The following NEBL variants were observed in gnomAD, a reference collection of about 807,000 sequenced individuals.
The protein encoded by NEBL is nebulette, also known as LIM and SH3 protein 2.
NEBL carries 122 observed loss-of-function variants against 140.2 expected under a neutral mutation model. The observed-to-expected ratio is 0.87, with a 90% CI of 0.75 to 1.01. NEBL has a LOEUF of 1.01. Among genes scored for constraint, NEBL ranks in the 50% least tolerant of loss-of-function variants. The pLI is 0.00. For synonymous variants in NEBL, 436 were observed against 398.9 expected, an observed-to-expected ratio of 1.09 and a Z score of -1.11; for missense variants, 1,365 against 1,231.3, an observed-to-expected ratio of 1.11 and a Z score of -1.62.
At chr10:20,971,612 ATT>A (rs1232484471) in intron 3 of NEBL, among the ~76,000 whole-genome samples, 9 of 71,012 alleles carry the variant, frequency 1.3e-4, no homozygotes, top group Non-Finnish European at 1.6e-4. Flanking sequence ...CAACCCTAGA[ATT>A]TTTTTTTTTT....
At chr10:21,122,710 T>C (rs1838636035) in intron 2 of NEBL, among the ~76,000 whole-genome samples, 1 of 152,120 alleles carries the variant, frequency 6.6e-6, no homozygotes, top group Non-Finnish European at 1.5e-5. Context: ...AAATCCTCAG[T>C]GTCTGGGTAG....
At chr10:21,098,805 G>A (rs1589232163) in intron 2 of NEBL, among the ~76,000 whole-genome samples, 1 of 152,232 alleles carries the variant, frequency 6.6e-6, no homozygotes, top group Non-Finnish European at 1.5e-5. Context: ...TGTTTTGCCT[G>A]TAGCCACAGG....
intron 3 of NEBL, among the ~76,000 whole-genome samples, chr10:21,007,351 A>T (rs546256220): frequency 7.0e-4 from 106 of 152,362 alleles, no homozygotes; most frequent in African/African-American, 2.4e-3. Flanking sequence ...TACAGGAAGT[A>T]TGGAGGGTCC....
chr10:20,946,407 C>A (rs532694338), intron 4 of NEBL, among the ~76,000 whole-genome samples: 41 of 152,082 alleles, frequency 2.7e-4, no homozygotes, highest in Non-Finnish European at 4.1e-4. Context: ...TCAAATATTC[C>A]ATTTCTTGAG....
intron 2 of NEBL, among the ~76,000 whole-genome samples, chr10:21,092,895 G>A (rs1262088667): frequency 6.6e-6 from 1 of 151,922 alleles, no homozygotes; most frequent in Non-Finnish European, 1.5e-5. Context: ...CCCATGCCAA[G>A]CAACTTGTGA....
chr10:20,968,091 G>C (rs190500874), intron 3 of NEBL, among the ~76,000 whole-genome samples: 1 of 152,258 alleles, frequency 6.6e-6, no homozygotes, highest in East Asian at 1.9e-4. Context: ...AGTTAAATCG[G>C]CCACTCTGAG....
In NEBL at chr10:21,145,923, G is replaced by A. The variant is rs143856552; in HGVS notation, c.164+26460C>T. ...GGCTCGGCTCTCTGGACCGCAGCTC[G>A]GGCCCATTGGGCATCTAACAACAGG... On this transcript the variant is annotated intron_variant, in intron 2 of 6. Coordinates refer to the NEBL transcript ENST00000417816. Among the ~76,000 whole-genome samples the A allele has an allele frequency of 5.8e-3, 875 of 152,154 alleles. 4 individuals are homozygous for A. The highest frequency in any genetic ancestry group is 8.5e-3 in the Non-Finnish European group (575 of 68,012).
intron 2 of NEBL, chr10:21,172,301 C>A: frequency 9.4e-7 from 1 of 1,068,722 alleles, no homozygotes; most frequent in Non-Finnish European, 1.5e-6. Context: ...CACAGTGAGT[C>A]AGTTCTTCAA....
chr10:21,064,338 A>G lies in NEBL; in HGVS notation c.165-44137T>C, dbSNP rs1057001088. On this transcript the variant is annotated intron_variant, in intron 2 of 6. Transcript: ENST00000417816. ...GTTTTAGGATTTCACTGCAAAGCCC[A>G]GATAAGCTTTGATTTTTATCTAGTG... Among the ~76,000 whole-genome samples, 3 of 152,212 alleles carry G rather than the reference A, an allele frequency of 2.0e-5. No individual in the cohort carries two copies. In the East Asian group the frequency reaches 5.8e-4, roughly 29 times the overall value.
At chr10:20,988,139 C>A (rs1297090344) in intron 3 of NEBL, among the ~76,000 whole-genome samples, 5 of 152,162 alleles carry the variant, frequency 3.3e-5, no homozygotes, top group Non-Finnish European at 7.4e-5. Flanking sequence ...AAAATCCAAT[C>A]TCTTCCTACT....
intron 2 of NEBL, among the ~76,000 whole-genome samples, chr10:21,044,214 T>G (rs1485670011): frequency 6.6e-6 from 1 of 151,752 alleles, no homozygotes; most frequent in Non-Finnish European, 1.5e-5. Context: ...CTGGCCAACA[T>G]GGTGAAACCC....
chr10:21,085,550 A>G (rs1836585368), intron 2 of NEBL, among the ~76,000 whole-genome samples: 2 of 152,192 alleles, frequency 1.3e-5, no homozygotes, highest in African/African-American at 4.8e-5. Flanking sequence ...CTGGAGGATC[A>G]TTTGAGCCCA....
chr10:21,000,161 G>T (rs973294970), intron 3 of NEBL, among the ~76,000 whole-genome samples: 2 of 139,352 alleles, frequency 1.4e-5, no homozygotes, highest in Non-Finnish European at 3.1e-5. Flanking sequence ...CCAGGCAGAG[G>T]GGGGCAGAGA....
At chr10:20,903,013 T>C (rs1847935799) in intron 4 of NEBL, among the ~76,000 whole-genome samples, 1 of 152,204 alleles carries the variant, frequency 6.6e-6, no homozygotes, top group Non-Finnish European at 1.5e-5. Flanking sequence ...TGTTGAAAAC[T>C]GATAAGAATG....
At chr10:21,042,078 C>T (rs1834294320) in intron 2 of NEBL, among the ~76,000 whole-genome samples, 1 of 152,182 alleles carries the variant, frequency 6.6e-6, no homozygotes, top group Non-Finnish European at 1.5e-5. Context: ...TGCCGACCTC[C>T]TATCTCATCC....
Position 20,797,038 on chromosome 10 carries a change from A to G in NEBL, c.2762-9730T>C, listed in dbSNP as rs1351398383. Among the ~76,000 whole-genome samples the G allele has an allele frequency of 3.3e-5, 5 of 152,364 alleles. 1 individual carries two copies. The highest frequency in any genetic ancestry group is 3.3e-4 in the Admixed American group (5 of 15,308). ...TTCTTCGATAAGGGGAAAGCAATTCAGAACATACAACTGGCAGGTAGACAG... is the reference window on the plus strand; with the variant it reads ...TTCTTCGATAAGGGGAAAGCAATTCGGAACATACAACTGGCAGGTAGACAG... On this transcript the variant is annotated intron_variant, in intron 26 of 27. Transcript: ENST00000377122.
intron 2 of NEBL, among the ~76,000 whole-genome samples, chr10:21,114,820 G>A (rs1009194938): frequency 1.3e-5 from 2 of 151,098 alleles, no homozygotes; most frequent in African/African-American, 4.9e-5. Context: ...GTGGAAAGTT[G>A]GGTCCTGCTT....
chr10:21,022,591 A>C (rs1034346460), intron 2 of NEBL, among the ~76,000 whole-genome samples: 9 of 152,344 alleles, frequency 5.9e-5, no homozygotes, highest in African/African-American at 1.9e-4. Flanking sequence ...AACTATTTTA[A>C]TTAACATCCT....
At chr10:21,046,437 G>T (rs1834517481) in intron 2 of NEBL, among the ~76,000 whole-genome samples, 1 of 152,144 alleles carries the variant, frequency 6.6e-6, no homozygotes, top group African/African-American at 2.4e-5. Context: ...GTGTACACAT[G>T]TATCAAAACA....
Sources: gnomAD v4.1 joint callset for allele counts (sites outside exome capture counted in the v4.1 genomes callset) on GRCh38, gnomAD v4.1.1 for gene constraint, MANE v1.5 for transcripts, NCBI Gene and HGNC (gene_info 2026-07-23, HGNC 2026-07-21) for gene names.